The following ASTN2 variants were observed in gnomAD, a reference collection of about 807,000 sequenced individuals.
ASTN2 encodes the protein astrotactin 2, also known as astrotactin-2.
A neutral mutation model predicts 139.8 loss-of-function variants in ASTN2; 54 were observed. That is an observed-to-expected ratio of 0.39 (90% CI 0.31 to 0.48). ASTN2 has a LOEUF of 0.48. Among genes scored for constraint, ASTN2 ranks in the 20% least tolerant of loss-of-function variants. The pLI is 0.95. For missense variants in ASTN2, 1,565 were observed against 1,725.1 expected (o/e 0.91, Z 1.64); for synonymous variants, 756 against 719.5 (o/e 1.05, Z -0.81).
chr9:116,741,283 C>A (rs1829091069), intron 13 of ASTN2, among the ~76,000 whole-genome samples: 1 of 152,136 alleles, frequency 6.6e-6, no homozygotes, highest in Non-Finnish European at 1.5e-5. Flanking sequence ...ACCTTAGAGC[C>A]AGCCAGCACT....
At chr9:116,517,586 C>A (rs1049041155) in intron 19 of ASTN2, among the ~76,000 whole-genome samples, 3 of 152,104 alleles carry the variant, frequency 2.0e-5, no homozygotes, top group Non-Finnish European at 4.4e-5. Context: ...ACTAATATGA[C>A]AAAAGAAGGT....
chr9:117,336,357 A>T (rs1242926959), intron 1 of ASTN2, among the ~76,000 whole-genome samples: 1 of 152,110 alleles, frequency 6.6e-6, no homozygotes, highest in Non-Finnish European at 1.5e-5. Flanking sequence ...TCAGCTAGGG[A>T]GATCTCAGAA....
chr9:116,861,214 TACACAC>T (rs60909208), intron 11 of ASTN2, among the ~76,000 whole-genome samples: 15,839 of 143,418 alleles, frequency 0.11, 980 homozygotes, highest in South Asian at 0.19. Context: ...AAGCCCAAGC[TACACAC>T]ACACACACAC....
At chr9:117,118,403 A>G (rs1286979899) in intron 4 of ASTN2, among the ~76,000 whole-genome samples, 3 of 151,892 alleles carry the variant, frequency 2.0e-5, no homozygotes, top group South Asian at 2.1e-4. Flanking sequence ...TCTAAGTCCC[A>G]TTGTCTCTAC....
intron 3 of ASTN2, among the ~76,000 whole-genome samples, chr9:117,176,948 C>T (rs947291790): frequency 1.3e-5 from 2 of 152,130 alleles, no homozygotes; most frequent in African/African-American, 4.8e-5. Context: ...TTAATACATA[C>T]AATGTCTGGT....
chr9:116,839,859 C>CATTATTATTATTATT (rs749979493), intron 11 of ASTN2, among the ~76,000 whole-genome samples: 1 of 125,948 alleles, frequency 7.9e-6, no homozygotes, highest in African/African-American at 3.2e-5. Flanking sequence ...TATTTTATTT[C>CATTATTATTATTATT]ATTATTATTA....
At chr9:117,132,179 G>T (rs1169981469) in intron 4 of ASTN2, among the ~76,000 whole-genome samples, 1 of 152,038 alleles carries the variant, frequency 6.6e-6, no homozygotes, top group African/African-American at 2.4e-5. Context: ...AAACCTTGCA[G>T]CTCCTACTTC....
At chr9:117,087,162 C>A (rs1828586005) in intron 5 of ASTN2, among the ~76,000 whole-genome samples, 1 of 152,154 alleles carries the variant, frequency 6.6e-6, no homozygotes, top group African/African-American at 2.4e-5. Context: ...CTACAAAATT[C>A]ACATTTTCAA....
At chr9:116,481,450 G>A (rs1288901867) in intron 20 of ASTN2, among the ~76,000 whole-genome samples, 1 of 152,264 alleles carries the variant, frequency 6.6e-6, no homozygotes, top group Non-Finnish European at 1.5e-5. Flanking sequence ...GCCACACAGT[G>A]GGTAAAAACC....
At chr9:116,942,261 C>T (rs992239147) in intron 10 of ASTN2, among the ~76,000 whole-genome samples, 6 of 152,136 alleles carry the variant, frequency 3.9e-5, no homozygotes, top group African/African-American at 1.4e-4. Flanking sequence ...CCTCCTCCAA[C>T]TGCAGCTAAC....
chr9:116,553,150 A>G (rs377647524), intron 19 of ASTN2, among the ~76,000 whole-genome samples: 1 of 152,052 alleles, frequency 6.6e-6, no homozygotes, highest in East Asian at 1.9e-4. Context: ...TTCTTTTTTT[A>G]ATGGTTTGCT....
intron 19 of ASTN2, among the ~76,000 whole-genome samples, chr9:116,558,830 G>A (rs1852762879): frequency 6.6e-6 from 1 of 152,162 alleles, no homozygotes; most frequent in Non-Finnish European, 1.5e-5. Flanking sequence ...AAGGATATGA[G>A]AATATACCCT....
intron 13 of ASTN2, among the ~76,000 whole-genome samples, chr9:116,788,529 C>G (rs1019294201): frequency 1.3e-5 from 2 of 152,048 alleles, no homozygotes; most frequent in African/African-American, 4.8e-5. Context: ...TCAGAAAGAT[C>G]CAGTAAGTAA....
At chr9:117,326,167 T>C (rs1195966916) in intron 1 of ASTN2, among the ~76,000 whole-genome samples, 2 of 152,032 alleles carry the variant, frequency 1.3e-5, no homozygotes, top group Admixed American at 6.5e-5. Context: ...GAAACTTCTC[T>C]GTTTTTTTTT....
At chr9:116,809,361 A>AT (rs34810817) in intron 12 of ASTN2, among the ~76,000 whole-genome samples, 16 of 150,266 alleles carry the variant, frequency 1.1e-4, no homozygotes, top group Admixed American at 4.6e-4. Flanking sequence ...TTGAAATGTT[A>AT]TTTTTTTTTT....
intron 3 of ASTN2, among the ~76,000 whole-genome samples, chr9:117,166,118 T>G (rs559661548): frequency 6.6e-6 from 1 of 152,192 alleles, no homozygotes; most frequent in South Asian, 2.1e-4. Context: ...ACATTGAGGC[T>G]TATCAATAAA....
At chr9:117,003,879 T>G (rs1432888040) in intron 7 of ASTN2, among the ~76,000 whole-genome samples, 3 of 151,400 alleles carry the variant, frequency 2.0e-5, no homozygotes, top group Admixed American at 6.6e-5. Flanking sequence ...CAGAGATATA[T>G]AATCCCACAA....
chr9:117,302,574 C>G (rs994466999), intron 1 of ASTN2, among the ~76,000 whole-genome samples: 2 of 152,138 alleles, frequency 1.3e-5, no homozygotes, highest in Non-Finnish European at 2.9e-5. Context: ...CATCTTAAGT[C>G]TCTGTTTCTA....
At chr9:117,060,407 A>G (rs369117630) in intron 5 of ASTN2, among the ~76,000 whole-genome samples, 2 of 61,456 alleles carry the variant, frequency 3.3e-5, no homozygotes, top group Admixed American at 1.8e-4. Context: ...AGAAAGAAAG[A>G]AAGAAGGAAA....
Sources: allele counts gnomAD v4.1 joint callset (sites outside exome capture counted in the v4.1 genomes callset), GRCh38; gene constraint gnomAD v4.1.1; transcripts MANE v1.5; gene names NCBI Gene and HGNC (gene_info 2026-07-23, HGNC 2026-07-21).